Variants in CSF2RA observed in about 807,000 individuals in gnomAD.
CSF2RA encodes granulocyte-macrophage colony-stimulating factor receptor subunit alpha.
In CSF2RA, 42 loss-of-function variants were observed where a neutral mutation model predicts 51.6. That is an observed-to-expected ratio of 0.81 (90% confidence interval 0.64 to 1.05). CSF2RA has a LOEUF of 1.05. CSF2RA is among the 50% of genes least tolerant of loss of function. The pLI is 0.00. For missense variants in CSF2RA, 530 were observed against 501.1 expected (o/e 1.06, Z -0.55); for synonymous variants, 222 against 193.0 (o/e 1.15, Z -1.24).
At chrX:1,274,085 A>G (rs2088827878) in intron 1 of CSF2RA, among the ~76,000 whole-genome samples, 1 of 152,106 alleles carries the variant, frequency 6.6e-6, no homozygotes, top group African/African-American at 2.4e-5. Context: ...AAACACAAAA[A>G]AGAAGAAGAG....
At position 1,290,392 on chromosome X, in the gene CSF2RA, G is replaced by T. The variant is rs1351959996; in HGVS notation, c.529G>T (p.Gly177Ter). The T allele has an allele frequency of 6.2e-7, 1 of 1,613,096 alleles. No homozygotes were observed. The highest frequency in any genetic ancestry group is 8.5e-7 in the Non-Finnish European group (1 of 1,179,254). Residue 177 changes from glycine to a stop codon, truncating the protein, a stop_gained, in exon 7 of 13, where the codon GGA (glycine) becomes TGA (stop). Transcript: ENST00000381529. LOFTEE classifies it high-confidence loss of function. ...YYIQDSGTHV[G>*]CHLDNLSGLT... Reference sequence around the variant, plus strand: ...CATACAAGACTCAGGAACCCATGTGGGATGTCACCTGGATAACCTGTCAGG... The same window carrying T: ...CATACAAGACTCAGGAACCCATGTGTGATGTCACCTGGATAACCTGTCAGG...
intron 4 of CSF2RA, among the ~76,000 whole-genome samples, chrX:1,287,685 C>A (rs1448470814): frequency 7.1e-6 from 1 of 140,182 alleles, no homozygotes; most frequent in Non-Finnish European, 1.5e-5. Flanking sequence ...CTCAAGTGAT[C>A]CACCCGCCTC....
the CSF2RA span, among the ~76,000 whole-genome samples, chrX:1,323,471 C>A: frequency 2.6e-5 from 4 of 152,052 alleles, no homozygotes; most frequent in Non-Finnish European, 5.9e-5. Flanking sequence ...GCAATGTCCC[C>A]CACCTTCAGG....
chrX:1,308,590 C>T (rs1157147393), intron 12 of CSF2RA, among the ~76,000 whole-genome samples: 17 of 152,056 alleles, frequency 1.1e-4, no homozygotes, highest in African/African-American at 3.6e-4. Context: ...CCCAGGGTTG[C>T]CCCCAGCGCC....
chrX:1,294,458 A>G lies in CSF2RA; in HGVS notation c.777A>G (p.Arg259=). Residue 259 remains arginine, a synonymous_variant, in exon 8 of 13, where the codon AGA becomes AGG. Coordinates refer to ENST00000381529, the MANE Select transcript of CSF2RA (RefSeq NM_172245.4). ...TTCAGTACCAGCTGGACGTCCACAG[A>G]AAGGTCGGTGAGAGCTCCCCGGGGC... ...LDFQYQLDVH[R]KNTQPGTENL... 2 of 1,613,782 alleles carry G rather than the reference A, an allele frequency of 1.2e-6. No homozygotes were observed. Among genetic ancestry groups the G allele is most frequent in the Non-Finnish European group, 1.7e-6 (2 of 1,179,842 alleles).
At chrX:1,310,009 A>G, downstream of CSF2RA, 1 of 427,490 alleles carries the variant, frequency 2.3e-6, no homozygotes, top group East Asian at 3.8e-5. Flanking sequence ...AGTCTGGGCA[A>G]CATAGCAAGA....
At chrX:1,321,455 T>G in the CSF2RA span, among the ~76,000 whole-genome samples, 19,995 of 148,542 alleles carry the variant, frequency 0.13, 1,980 homozygotes, top group African/African-American at 0.28. Flanking sequence ...GGTGACAGAG[T>G]GAGACTCCAT....
chrX:1,314,936 T>TTCACC (rs2084488877), downstream of CSF2RA, among the ~76,000 whole-genome samples: 1 of 21,704 alleles, frequency 4.6e-5, no homozygotes, highest in African/African-American at 1.9e-4. Context: ...CGCACTGCAC[T>TTCACC]TGCCCAACCC....
the CSF2RA span, among the ~76,000 whole-genome samples, chrX:1,318,051 C>T: frequency 7.3e-5 from 11 of 151,508 alleles, no homozygotes; most frequent in East Asian, 7.8e-4. Context: ...TGCAGTGGAG[C>T]GATCTCGGCT....
intron 9 of CSF2RA, 107 bp downstream of exon 9, chrX:1,295,563 TCCC>T: frequency 1.2e-5 from 10 of 846,780 alleles, no homozygotes; most frequent in Non-Finnish European, 1.5e-5. Flanking sequence ...ACCCCTACAG[TCCC>T]CTACCGACGA....
At chrX:1,292,936 C>T (rs1425210566) in intron 7 of CSF2RA, among the ~76,000 whole-genome samples, 1 of 152,152 alleles carries the variant, frequency 6.6e-6, no homozygotes, top group Non-Finnish European at 1.5e-5. Flanking sequence ...TCAGACAATA[C>T]CCGGGCTCTC....
chrX:1,280,194 G>A (rs1167181839), intron 2 of CSF2RA, among the ~76,000 whole-genome samples: 5 of 152,180 alleles, frequency 3.3e-5, no homozygotes, highest in South Asian at 2.1e-4. Flanking sequence ...TACAAAGGCC[G>A]GGTGCAGTGG....
In CSF2RA at chrX:1,295,555, C is replaced by A. The variant is rs188750324; in HGVS notation, c.810+99C>A. The A allele has an allele frequency of 4.7e-5, 41 of 869,348 alleles. No homozygotes were observed. The East Asian group carries it at 1.1e-3, about 23-fold the overall frequency. The allele number at this position is 869,348 out of a possible 1,614,324, so 53.9% of individuals were successfully genotyped here. ...AACTCTACAGTCCCCTACTCATGAC[C>A]CCTACAGTCCCCTACCGACGACCTC... On this transcript the variant is annotated intron_variant, in intron 9 of 12. Coordinates refer to ENST00000381529, the MANE Select transcript of CSF2RA (RefSeq NM_172245.4).
chrX:1,281,466 CTT>C (rs2090060408), intron 2 of CSF2RA, among the ~76,000 whole-genome samples: 1 of 146,470 alleles, frequency 6.8e-6, no homozygotes, highest in African/African-American at 2.5e-5. Context: ...CCTCCTCCTC[CTT>C]CTCCTCCTGC....
chrX:1,301,281 G>C (rs2092350297), intron 10 of CSF2RA, among the ~76,000 whole-genome samples: 1 of 148,950 alleles, frequency 6.7e-6, no homozygotes. Context: ...GCAGTGAGCT[G>C]GGGTCACGCC....
chrX:1,289,110 C>T (rs1342636523), intron 6 of CSF2RA: 20 of 594,186 alleles, frequency 3.4e-5, no homozygotes, highest in South Asian at 3.1e-4. Context: ...TACAGGCGCC[C>T]GCCACCACAC....
Position 1,288,544 on chromosome X carries a change from C to T in CSF2RA, c.245C>T (p.Thr82Ile). ...PRLSNNECSC[T>I]FREICLHEGV... ...CTCAGTAACAACGAATGTTCGTGCA[C>T]ATTTCGTGAAATTTGTCTGCATGAA... Residue 82 changes from threonine (T) to isoleucine (I), a missense_variant, in exon 5 of 13, where the codon ACA becomes ATA. Physicochemically the swap from Thr to Ile is moderately conservative, Grantham distance 89 (BLOSUM62 -1). Coordinates refer to ENST00000381529, the MANE Select transcript of CSF2RA (RefSeq NM_172245.4). 1 of 1,613,924 alleles carries T rather than the reference C, an allele frequency of 6.2e-7. No individual in the cohort carries two copies.
intron 10 of CSF2RA, among the ~76,000 whole-genome samples, chrX:1,301,058 C>T (rs1484008525): frequency 6.6e-6 from 1 of 151,102 alleles, no homozygotes; most frequent in Non-Finnish European, 1.5e-5. Flanking sequence ...GAGGCTGAGG[C>T]AGGAGAATCA....
At chrX:1,285,699 CT>C (rs2090549612) in intron 3 of CSF2RA, 78 bp from the exon 4 acceptor site, 2 of 1,244,306 alleles carry the variant, frequency 1.6e-6, no homozygotes, top group East Asian at 6.1e-5. Context: ...CAGACTCCGT[CT>C]CAAAAAAAAA....
Sources: allele counts gnomAD v4.1 joint callset (sites outside exome capture counted in the v4.1 genomes callset), GRCh38; gene constraint gnomAD v4.1.1; transcripts MANE v1.5; gene names NCBI Gene and HGNC (gene_info 2026-07-23, HGNC 2026-07-21).